The following RPS6KA3 variants were observed in gnomAD, a reference collection of about 807,000 sequenced individuals.
The protein encoded by RPS6KA3 is ribosomal protein S6 kinase alpha-3.
RPS6KA3 carries 4 observed loss-of-function variants against 67.2 expected under a neutral mutation model. The ratio of observed to expected loss-of-function variants is 0.06; its 90% CI spans 0.03 to 0.14. The LOEUF (loss-of-function observed/expected upper bound fraction) is 0.14, where lower values mean the gene tolerates loss of function less well. RPS6KA3 is among the 10% of genes least tolerant of loss of function. The pLI is 1.00. For synonymous variants in RPS6KA3, 182 were observed against 183.7 expected (o/e 0.99, Z 0.07); for missense variants, 204 against 559.0 (o/e 0.36, Z 6.40).
At chrX:20,210,378 C>T (rs1265467962) in intron 2 of RPS6KA3, among the ~76,000 whole-genome samples, 3 of 111,440 alleles carry the variant, frequency 2.7e-5, no homozygotes, top group South Asian at 3.7e-4. Flanking sequence ...TTTCTAGGTG[C>T]GTAAGTACTG....
At chrX:20,212,951 G>A (rs1425637575) in intron 2 of RPS6KA3, among the ~76,000 whole-genome samples, 2 of 110,948 alleles carry the variant, frequency 1.8e-5, no homozygotes, top group Non-Finnish European at 3.8e-5. Context: ...TTCTGCCTGC[G>A]TCCACTCCAA....
intron 2 of RPS6KA3, among the ~76,000 whole-genome samples, chrX:20,218,287 T>G (rs1429451651): frequency 8.9e-6 from 1 of 112,215 alleles, no homozygotes; most frequent in Non-Finnish European, 1.9e-5. Flanking sequence ...ATAAAATTAC[T>G]TGCTTAAAGT....
At chrX:20,187,316 T>A (rs1203196472) in intron 9 of RPS6KA3, among the ~76,000 whole-genome samples, 5 of 111,479 alleles carry the variant, frequency 4.5e-5, no homozygotes, top group African/African-American at 1.6e-4. Context: ...CCTCCCAGGT[T>A]CTAGCGATTC....
At position 20,186,600 on chromosome X, in the gene RPS6KA3, A is replaced by AT. The variant is rs1251940583; in HGVS notation, c.775-235dup. ...TAGAAATCAATCACATTTTTATTTT[A>AT]TTTTTTTTTTGAGACAGGGCCTGGC... On this transcript the variant is annotated intron_variant, in intron 9 of 21. Transcript: ENST00000379565. Among the ~76,000 whole-genome samples the AT allele has an allele frequency of 1.0e-2, 933 of 93,595 alleles. 6 individuals are homozygous for AT. Among genetic ancestry groups the AT allele is most frequent in the Non-Finnish European group, 0.017 (766 of 45,624 alleles). The allele number at this position is 93,595 out of a possible 115,157, so 81.3% of individuals were successfully genotyped here.
chrX:20,219,687 A>G (rs1487200980), intron 2 of RPS6KA3, among the ~76,000 whole-genome samples: 1 of 111,848 alleles, frequency 8.9e-6, no homozygotes, highest in Non-Finnish European at 1.9e-5. Context: ...AAGCTACCAT[A>G]TAATCCCTTA....
intron 1 of RPS6KA3, among the ~76,000 whole-genome samples, chrX:20,242,554 T>C (rs2069578564): frequency 9.0e-6 from 1 of 111,437 alleles, no homozygotes; most frequent in Non-Finnish European, 1.9e-5. Context: ...CTATATTTCA[T>C]AAGCTCCTCA....
intron 11 of RPS6KA3, 104 bp from the exon 12 acceptor site, chrX:20,176,602 TTAA>T: frequency 1.8e-6 from 1 of 568,186 alleles, no homozygotes; most frequent in Non-Finnish European, 2.9e-6. Context: ...AATTAATTAA[TTAA>T]TTTTGAGACA....
At chrX:20,251,636 A>T (rs1360036200) in intron 1 of RPS6KA3, among the ~76,000 whole-genome samples, 1 of 113,224 alleles carries the variant, frequency 8.8e-6, no homozygotes, top group Non-Finnish European at 1.9e-5. Flanking sequence ...TTCAATTGTC[A>T]TAAAACATAA....
intron 1 of RPS6KA3, among the ~76,000 whole-genome samples, chrX:20,248,675 CATTTT>C (rs1267244190): frequency 1.8e-5 from 2 of 111,168 alleles, no homozygotes; most frequent in East Asian, 5.6e-4. Flanking sequence ...TTTTTTCTTA[CATTTT>C]ATTTAGACAT....
chrX:20,163,165 C>T (rs2067346704), intron 18 of RPS6KA3, 125 bp from the exon 19 acceptor site: 1 of 501,780 alleles, frequency 2.0e-6, no homozygotes, highest in South Asian at 2.8e-5. Flanking sequence ...ACATGGTTAC[C>T]AAATAAGGCA....
At chrX:20,166,734 T>C (rs1233738597) in intron 17 of RPS6KA3, among the ~76,000 whole-genome samples, 1 of 98,969 alleles carries the variant, frequency 1.0e-5, no homozygotes, top group Middle Eastern at 4.4e-3. Flanking sequence ...TTTTTTTTTT[T>C]TGAGATGGAG....
At position 20,188,154 on chromosome X, in the gene RPS6KA3, T is replaced by A. The variant is rs111557617; in HGVS notation, c.632-184A>T. Among the ~76,000 whole-genome samples the A allele has an allele frequency of 1.8e-3, 198 of 111,710 alleles. 2 individuals carry two copies. The highest frequency in any genetic ancestry group is 6.1e-3 in the African/African-American group (187 of 30,750). ...AGTGACGCCATCTTGGCTCACTGTA[T>A]CCTCTGCCTCCCGGGTTCAAGTGAT... On this transcript the variant is annotated intron_variant, in intron 8 of 21. Transcript: ENST00000379565.
rs150082932 is a variant in RPS6KA3 at position 20,175,040 on chromosome X, C to T, written c.1227+124G>A. 1,023 of 703,359 alleles carry T rather than the reference C, an allele frequency of 1.5e-3. 9 individuals carry two copies. The African/African-American group carries it at 0.019, about 13-fold the overall frequency. 58.0% of individuals were successfully genotyped at this position (703,359 alleles called of 1,213,427 possible). Reference sequence around the variant, plus strand: ...AAGTGCTGGGATTACGGGTGTGAGCCACTATGCCCAGTCTAAAATGTATTT... The same window carrying T: ...AAGTGCTGGGATTACGGGTGTGAGCTACTATGCCCAGTCTAAAATGTATTT... On this transcript the variant is annotated intron_variant, in intron 14 of 21. Coordinates refer to ENST00000379565, the MANE Select transcript of RPS6KA3 (RefSeq NM_004586.3).
At chrX:20,157,455 T>C (rs752565179) in intron 20 of RPS6KA3, among the ~76,000 whole-genome samples, 2 of 103,981 alleles carry the variant, frequency 1.9e-5, no homozygotes, top group African/African-American at 3.6e-5. Context: ...TGAGCCGTGA[T>C]TGAACCACTG....
intron 8 of RPS6KA3, 107 bp downstream of exon 8, chrX:20,188,390 T>A (rs2148687822): frequency 2.1e-6 from 1 of 481,445 alleles, no homozygotes; most frequent in Non-Finnish European, 3.6e-6. Context: ...TACAAGTTTT[T>A]AATTTTAATA....
Position 20,152,235 on chromosome X carries a change from T to TA in RPS6KA3, c.*3162dup, listed in dbSNP as rs2067114610. 8.9e-6 allele frequency: 1 copy of TA among 111,909 alleles called. No individual in the cohort carries two copies. Among genetic ancestry groups the TA allele is most frequent in the Admixed American group, 9.6e-5 (1 of 10,459 alleles). The allele number at this position is 111,909 out of a possible 1,213,427, so 9.2% of individuals were successfully genotyped here. The stretch of plus-strand genomic sequence containing the variant: ...ATAAATGCATCCATATCAAATCTGT[T>TA]AAAGTTGGGGGTCTGTTGCATTAGA... On this transcript the variant is annotated 3_prime_UTR_variant, in exon 22 of 22. Coordinates refer to ENST00000379565, the MANE Select transcript of RPS6KA3 (RefSeq NM_004586.3).
chrX:20,244,409 T>C (rs912520547), intron 1 of RPS6KA3, among the ~76,000 whole-genome samples: 1 of 112,440 alleles, frequency 8.9e-6, no homozygotes, highest in African/African-American at 3.2e-5. Flanking sequence ...AAATTAATAT[T>C]CTTCTAAATA....
intron 18 of RPS6KA3, among the ~76,000 whole-genome samples, chrX:20,164,444 T>C (rs1390514154): frequency 1.7e-4 from 17 of 102,821 alleles, no homozygotes; most frequent in African/African-American, 6.1e-4. Flanking sequence ...TGGAGTGCAG[T>C]GGTGTGATCT....
chrX:20,234,617 A>T (rs916537407), intron 2 of RPS6KA3, 141 bp downstream of exon 2: 6 of 492,158 alleles, frequency 1.2e-5, no homozygotes, highest in African/African-American at 1.2e-4. Context: ...CATACTCAAT[A>T]ATGTAGTCTG....
Sources: gnomAD v4.1 joint callset for allele counts (sites outside exome capture counted in the v4.1 genomes callset) on GRCh38, gnomAD v4.1.1 for gene constraint, MANE v1.5 for transcripts, NCBI Gene and HGNC (gene_info 2026-07-23, HGNC 2026-07-21) for gene names.